Variants in NAV1 observed in about 807,000 individuals in gnomAD.
The protein encoded by NAV1 is neuron navigator 1.
NAV1 carries 18 observed loss-of-function variants against 175.2 expected under a neutral mutation model. The ratio of observed to expected loss-of-function variants is 0.10; its 90% CI spans 0.07 to 0.15. NAV1 has a LOEUF of 0.15. Among genes scored for constraint, NAV1 ranks in the 10% least tolerant of loss-of-function variants. NAV1 has a pLI of 1.00. For synonymous variants in NAV1, 897 were observed against 978.7 expected, an observed-to-expected ratio of 0.92 and a Z score of 1.56; for missense variants, 1,731 against 2,436.6, an observed-to-expected ratio of 0.71 and a Z score of 6.10.
At chr1:201,670,742 G>C (rs1670010399) in intron 1 of NAV1, among the ~76,000 whole-genome samples, 1 of 152,114 alleles carries the variant, frequency 6.6e-6, no homozygotes. Context: ...GTGATGTTTT[G>C]GTGATGGTGG....
At chr1:201,773,230 A>G (rs1311673340) in intron 3 of NAV1, among the ~76,000 whole-genome samples, 2 of 152,088 alleles carry the variant, frequency 1.3e-5, no homozygotes, top group East Asian at 3.9e-4. Flanking sequence ...TAAAAAATAC[A>G]CAGAGACAGG....
At chr1:201,691,498 TAAAC>T (rs954342901) in intron 1 of NAV1, among the ~76,000 whole-genome samples, 4 of 152,148 alleles carry the variant, frequency 2.6e-5, no homozygotes, top group Admixed American at 1.3e-4. Flanking sequence ...ATCAAGTACG[TAAAC>T]AAACAAATGA....
intron 1 of NAV1, among the ~76,000 whole-genome samples, chr1:201,655,250 C>T (rs935056578): frequency 7.9e-5 from 12 of 152,180 alleles, no homozygotes; most frequent in African/African-American, 2.7e-4. Context: ...CCAGGAAGCT[C>T]TCCTCCCCAA....
chr1:201,800,249 C>T (rs771070902), intron 15 of NAV1, among the ~76,000 whole-genome samples: 2 of 152,238 alleles, frequency 1.3e-5, no homozygotes, highest in Non-Finnish European at 2.9e-5. Context: ...AATCCACCCA[C>T]CTGGGCCTCC....
chr1:201,780,058 G>T (rs531038989), intron 3 of NAV1, among the ~76,000 whole-genome samples: 1 of 152,288 alleles, frequency 6.6e-6, no homozygotes, highest in Non-Finnish European at 1.5e-5. Flanking sequence ...GTCTAAAAAT[G>T]AACAAAGATA....
chr1:201,566,949 T>G (rs999152850), intron 1 of NAV1, among the ~76,000 whole-genome samples: 2 of 152,204 alleles, frequency 1.3e-5, no homozygotes, highest in Non-Finnish European at 2.9e-5. Flanking sequence ...TTCATATGTA[T>G]GTACTGTAAT....
At chr1:201,791,419 C>G (rs1677107292) in intron 13 of NAV1, 1 of 152,290 alleles carries the variant, frequency 6.6e-6, no homozygotes, top group African/African-American at 2.4e-5. Context: ...CTTAGTTTTT[C>G]TACCCTGTGA....
intron 1 of NAV1, among the ~76,000 whole-genome samples, chr1:201,681,286 T>C (rs1415673078): frequency 6.6e-6 from 1 of 152,252 alleles, no homozygotes; most frequent in African/African-American, 2.4e-5. Context: ...TCTGTGAAAC[T>C]TGTTAATTGG....
At chr1:201,717,821 A>G (rs1672201250) in intron 2 of NAV1, among the ~76,000 whole-genome samples, 1 of 152,138 alleles carries the variant, frequency 6.6e-6, no homozygotes, top group South Asian at 2.1e-4. Context: ...CCTATATATG[A>G]TGTTTGGGAA....
chr1:201,552,994 C>T (rs372024340), intron 1 of NAV1, among the ~76,000 whole-genome samples: 69 of 152,182 alleles, frequency 4.5e-4, no homozygotes, highest in Admixed American at 7.2e-4. Context: ...CTCCAGGGGA[C>T]GAGGGGGGCA....
chr1:201,590,779 T>C (rs1237400091), intron 2 of NAV1, among the ~76,000 whole-genome samples: 1 of 152,176 alleles, frequency 6.6e-6, no homozygotes, highest in Non-Finnish European at 1.5e-5. Flanking sequence ...TGCCCCATTT[T>C]CCAGCCCAGA....
chr1:201,804,845 T>C (rs915483968), intron 17 of NAV1, among the ~76,000 whole-genome samples: 1 of 152,242 alleles, frequency 6.6e-6, no homozygotes, highest in Non-Finnish European at 1.5e-5. Context: ...TTCTTCTTTT[T>C]GGTTCCATAA....
At chr1:201,637,785 C>T (rs1345083516) in intron 2 of NAV1, among the ~76,000 whole-genome samples, 1 of 152,190 alleles carries the variant, frequency 6.6e-6, no homozygotes, top group African/African-American at 2.4e-5. Flanking sequence ...GGAGTTTTCC[C>T]TCACCGGCCT....
chr1:201,586,124 T>TA (rs1667019688), intron 1 of NAV1, among the ~76,000 whole-genome samples: 3 of 152,166 alleles, frequency 2.0e-5, no homozygotes, highest in African/African-American at 7.2e-5. Context: ...GAAATATTAT[T>TA]CAGCCTTACA....
intron 1 of NAV1, among the ~76,000 whole-genome samples, chr1:201,707,463 G>A (rs928332842): frequency 6.6e-6 from 1 of 152,230 alleles, no homozygotes; most frequent in African/African-American, 2.4e-5. Flanking sequence ...GCGGGAAACT[G>A]CAGTGAGGTG....
intron 1 of NAV1, among the ~76,000 whole-genome samples, chr1:201,702,657 A>T (rs1671474316): frequency 7.0e-6 from 1 of 142,820 alleles, no homozygotes. Context: ...AAAAGGGTGA[A>T]TTTTGGTATG....
intron 3 of NAV1, among the ~76,000 whole-genome samples, chr1:201,736,107 A>G (rs1016666034): frequency 6.6e-6 from 1 of 152,220 alleles, no homozygotes; most frequent in African/African-American, 2.4e-5. Flanking sequence ...ACAGGCCCAG[A>G]GGGACATTCT....
intron 3 of NAV1, among the ~76,000 whole-genome samples, chr1:201,763,357 G>A (rs149346686): frequency 6.6e-6 from 1 of 152,184 alleles, no homozygotes; most frequent in Non-Finnish European, 1.5e-5. Flanking sequence ...TTTTGAAGGT[G>A]AATTTGATGG....
intron 1 of NAV1, among the ~76,000 whole-genome samples, chr1:201,656,671 A>T (rs923392527): frequency 6.6e-6 from 1 of 152,202 alleles, no homozygotes; most frequent in Non-Finnish European, 1.5e-5. Flanking sequence ...AGTGAATGGC[A>T]TGTGTTCACA....
Sources: allele counts gnomAD v4.1 joint callset (sites outside exome capture counted in the v4.1 genomes callset), GRCh38; gene constraint gnomAD v4.1.1; transcripts MANE v1.5; gene names NCBI Gene and HGNC (gene_info 2026-07-23, HGNC 2026-07-21).